REV3L: variants seen among roughly 807,000 people sequenced by gnomAD.
The protein encoded by REV3L is REV3 like, DNA directed polymerase zeta catalytic subunit, also known as DNA polymerase zeta catalytic subunit.
Under a neutral mutation model 299.4 loss-of-function variants are expected in REV3L, and 69 were observed. The observed-to-expected ratio is 0.23, with a 90% CI of 0.19 to 0.28. The LOEUF (loss-of-function observed/expected upper bound fraction) is 0.28. Among genes scored for constraint, REV3L ranks in the 10% least tolerant of loss-of-function variants. REV3L has a pLI of 1.00. For missense variants in REV3L, 3,128 were observed against 3,693.8 expected (o/e 0.85, Z 3.97); for synonymous variants, 1,238 against 1,271.4 (o/e 0.97, Z 0.56).
intron 20 of REV3L, among the ~76,000 whole-genome samples, chr6:111,348,455 CTG>C (rs1777243731): frequency 6.6e-6 from 1 of 152,164 alleles, no homozygotes; most frequent in African/African-American, 2.4e-5. Flanking sequence ...TTTCAAAGTA[CTG>C]TCTCTTTATC....
intron 3 of REV3L, among the ~76,000 whole-genome samples, chr6:111,406,852 A>T (rs1278301175): frequency 1.3e-5 from 2 of 152,368 alleles, no homozygotes; most frequent in African/African-American, 4.8e-5. Context: ...TTAACACAGC[A>T]GAGGTAACTA....
At chr6:111,384,707 T>C (rs1420459240) in intron 9 of REV3L, among the ~76,000 whole-genome samples, 1 of 152,144 alleles carries the variant, frequency 6.6e-6, no homozygotes, top group African/African-American at 2.4e-5. Flanking sequence ...AAACTAAAGA[T>C]AGAACTACCA....
chr6:111,319,166 T>A (rs376747700), intron 26 of REV3L, among the ~76,000 whole-genome samples: 1 of 152,164 alleles, frequency 6.6e-6, no homozygotes, highest in East Asian at 1.9e-4. Flanking sequence ...ACTTTACATC[T>A]TAAAAGTTAT....
chr6:111,383,307 T>C (rs546304563), intron 9 of REV3L, among the ~76,000 whole-genome samples: 1 of 152,274 alleles, frequency 6.6e-6, no homozygotes, highest in Admixed American at 6.5e-5. Context: ...ATAAATAAAG[T>C]GCATCCAAAT....
chr6:111,444,301 C>G (rs1318681976), intron 1 of REV3L, among the ~76,000 whole-genome samples: 1 of 152,084 alleles, frequency 6.6e-6, no homozygotes, highest in Non-Finnish European at 1.5e-5. Flanking sequence ...CAGATAGATT[C>G]AAATCCAAGT....
At chr6:111,470,279 A>G (rs1792034344) in intron 1 of REV3L, among the ~76,000 whole-genome samples, 1 of 152,142 alleles carries the variant, frequency 6.6e-6, no homozygotes, top group African/African-American at 2.4e-5. Flanking sequence ...AAATTCTGGA[A>G]GTGTTAGAAG....
chr6:111,406,699 G>A (rs1562263398), intron 3 of REV3L, among the ~76,000 whole-genome samples: 2 of 152,130 alleles, frequency 1.3e-5, no homozygotes, highest in Admixed American at 1.3e-4. Context: ...TTTGAAAGGG[G>A]AAGAACTGTA....
At chr6:111,482,423 T>C (rs1047852684) in intron 1 of REV3L, among the ~76,000 whole-genome samples, 43 of 152,198 alleles carry the variant, frequency 2.8e-4, no homozygotes, top group Middle Eastern at 6.8e-3. Context: ...TGGCCCGCCG[T>C]CCGGGGCGCC....
chr6:111,394,045 A>C (rs1782217686), intron 4 of REV3L, among the ~76,000 whole-genome samples: 1 of 152,206 alleles, frequency 6.6e-6, no homozygotes, highest in Non-Finnish European at 1.5e-5. Context: ...TGTGCACTTA[A>C]GGTTGATTCC....
At chr6:111,323,964 T>C (rs1013715844) in intron 25 of REV3L, among the ~76,000 whole-genome samples, 1 of 152,162 alleles carries the variant, frequency 6.6e-6, no homozygotes. Flanking sequence ...AAACTAGTAG[T>C]AGAAACGAGT....
chr6:111,346,118 G>A (rs1186058639), intron 20 of REV3L, among the ~76,000 whole-genome samples: 3 of 151,968 alleles, frequency 2.0e-5, no homozygotes, highest in Non-Finnish European at 2.9e-5. Context: ...CATATATTCC[G>A]CCTTCCTGTC....
At chr6:111,368,106 A>T in intron 13 of REV3L, 78 bp from the exon 14 acceptor site, 2 of 1,292,394 alleles carry the variant, frequency 1.5e-6, no homozygotes. Context: ...ATCCTAGATA[A>T]AGTCCCTTTT....
intron 31 of REV3L, among the ~76,000 whole-genome samples, chr6:111,300,666 C>A (rs1302907856): frequency 6.6e-6 from 1 of 152,188 alleles, no homozygotes; most frequent in African/African-American, 2.4e-5. Context: ...TTATGCCTGT[C>A]TTTACTGCAA....
At chr6:111,470,174 T>TCACACACACACACACACA (rs6149753) in intron 1 of REV3L, among the ~76,000 whole-genome samples, 1 of 150,372 alleles carries the variant, frequency 6.7e-6, no homozygotes, top group South Asian at 2.1e-4. Flanking sequence ...TTACTATCTC[T>TCACACACACACACACACA]CACACACACA....
At chr6:111,370,097 C>A (rs1477790356) in intron 13 of REV3L, among the ~76,000 whole-genome samples, 1 of 152,136 alleles carries the variant, frequency 6.6e-6, no homozygotes, top group African/African-American at 2.4e-5. Context: ...TCCCAAAGTG[C>A]TGGGATTACA....
chr6:111,482,662 G>A (rs1011400000), intron 1 of REV3L, 88 bp downstream of exon 1: 59 of 828,396 alleles, frequency 7.1e-5, no homozygotes, highest in Non-Finnish European at 8.5e-5. Context: ...GGCCGGCGCC[G>A]GTGGCGTGTG....
intron 1 of REV3L, among the ~76,000 whole-genome samples, chr6:111,422,611 TACACATATATATATATATACAC>T (rs1562287001): frequency 6.6e-4 from 18 of 27,280 alleles, no homozygotes; most frequent in Non-Finnish European, 1.7e-3. Flanking sequence ...TATATATATA[TACACATATATATATATATACAC>T]ATATATATAT....
At chr6:111,432,300 T>C (rs1390631446) in intron 1 of REV3L, among the ~76,000 whole-genome samples, 6 of 152,214 alleles carry the variant, frequency 3.9e-5, no homozygotes, top group African/African-American at 1.2e-4. Flanking sequence ...AGTTAAACTA[T>C]ATGCTGCCTA....
rs765812106 is a variant in REV3L at position 111,380,027 on chromosome 6, G to A, written c.1409C>T (p.Ser470Phe). ...TTCAATATTGCTGTCCCATCTCTGG[G>A]ACATCACCAAACTAAGCTCCATTTC... ...KEEMELSLVMSQRWDSNIEEH... is the reference protein window; with the variant it reads ...KEEMELSLVMFQRWDSNIEEH... Residue 470 changes from serine to phenylalanine, a missense_variant, in exon 11 of 32, where the codon TCC (serine) becomes TTC (phenylalanine). Ser to Phe is a radical substitution (Grantham distance 155). This residue lies in a region of REV3L where 2,409 missense variants were observed against 2,611.8 expected (regional missense o/e 0.92). Transcript: ENST00000368802. The A allele has an allele frequency of 6.2e-7, 1 of 1,613,848 alleles. No homozygotes were observed. The highest frequency in any genetic ancestry group is 1.1e-5 in the South Asian group (1 of 91,070).
Sources: allele counts gnomAD v4.1 joint callset (sites outside exome capture counted in the v4.1 genomes callset), GRCh38; gene constraint gnomAD v4.1.1; regional missense constraint gnomAD v4.1.1; transcripts MANE v1.5; gene names NCBI Gene and HGNC (gene_info 2026-07-23, HGNC 2026-07-21).